The following CSGALNACT1 variants were observed in gnomAD, a reference collection of about 807,000 sequenced individuals.
CSGALNACT1 encodes beta4GalNAcT-1.
CSGALNACT1 carries 52 observed loss-of-function variants against 51.0 expected under a neutral mutation model. That is an observed-to-expected ratio of 1.02 (90% CI 0.82 to 1.29). The LOEUF is 1.29. Ranked by LOEUF, CSGALNACT1 falls within the 50% of genes most tolerant of loss-of-function variation. The pLI is 0.00. For synonymous variants in CSGALNACT1, 341 were observed against 254.4 expected, an observed-to-expected ratio of 1.34 and a Z score of -3.24; for missense variants, 935 against 679.2, an observed-to-expected ratio of 1.38 and a Z score of -4.19.
chr8:19,466,851 G>C (rs1025128827), intron 4 of CSGALNACT1, among the ~76,000 whole-genome samples: 4 of 152,162 alleles, frequency 2.6e-5, no homozygotes, highest in African/African-American at 7.2e-5. Context: ...CTCTGGACTT[G>C]TCCTCACTGG....
chr8:19,430,751 T>C (rs958640887), intron 6 of CSGALNACT1, among the ~76,000 whole-genome samples: 79 of 152,288 alleles, frequency 5.2e-4, no homozygotes, highest in African/African-American at 1.8e-3. Context: ...TGGATTTTAA[T>C]AGGGATTGTA....
chr8:19,703,362 G>A (rs369145203), intron 1 of CSGALNACT1, among the ~76,000 whole-genome samples: 19 of 152,152 alleles, frequency 1.2e-4, no homozygotes, highest in African/African-American at 4.3e-4. Context: ...AGAGTGCAGC[G>A]GCGGGATCTC....
intron 4 of CSGALNACT1, among the ~76,000 whole-genome samples, chr8:19,472,226 G>T (rs1421494343): frequency 6.6e-6 from 1 of 152,212 alleles, no homozygotes; most frequent in Non-Finnish European, 1.5e-5. Context: ...TTTCCAAACA[G>T]CTGTAGGACT....
chr8:19,532,946 C>T (rs149900344), intron 3 of CSGALNACT1, among the ~76,000 whole-genome samples: 61 of 152,310 alleles, frequency 4.0e-4, no homozygotes, highest in Middle Eastern at 3.4e-3. Flanking sequence ...TCAACACTGT[C>T]ATCTTTGTCT....
intron 6 of CSGALNACT1, among the ~76,000 whole-genome samples, chr8:19,422,276 A>C (rs926885731): frequency 6.6e-6 from 1 of 152,086 alleles, no homozygotes; most frequent in Admixed American, 6.5e-5. Context: ...TACAGCCTCA[A>C]ACTCCTGGGC....
At chr8:19,548,679 T>C (rs2087107987) in intron 3 of CSGALNACT1, among the ~76,000 whole-genome samples, 1 of 152,244 alleles carries the variant, frequency 6.6e-6, no homozygotes, top group Admixed American at 6.5e-5. Flanking sequence ...CAAATGGTAC[T>C]ATAAGACTGA....
intron 1 of CSGALNACT1, among the ~76,000 whole-genome samples, chr8:19,695,771 G>C (rs1564439466): frequency 6.6e-6 from 1 of 152,150 alleles, no homozygotes; most frequent in African/African-American, 2.4e-5. Flanking sequence ...TTGTTTAAGA[G>C]TTTGTGGAGT....
intron 3 of CSGALNACT1, among the ~76,000 whole-genome samples, chr8:19,550,511 G>C (rs1408468055): frequency 2.0e-5 from 3 of 152,008 alleles, no homozygotes; most frequent in African/African-American, 7.3e-5. Context: ...ACCAATTATA[G>C]GTTTTTGAAG....
intron 1 of CSGALNACT1, among the ~76,000 whole-genome samples, chr8:19,656,073 T>C (rs540373595): frequency 2.6e-5 from 4 of 152,280 alleles, no homozygotes; most frequent in African/African-American, 4.8e-5. Context: ...TGAGGGCAAC[T>C]TGTGCTTCAC....
intron 3 of CSGALNACT1, among the ~76,000 whole-genome samples, chr8:19,578,939 A>G (rs1015049444): frequency 6.6e-6 from 1 of 152,156 alleles, no homozygotes; most frequent in African/African-American, 2.4e-5. Flanking sequence ...TACGTTGACC[A>G]CGCTGGTCTC....
chr8:19,570,625 G>C (rs916562285), intron 3 of CSGALNACT1, among the ~76,000 whole-genome samples: 1 of 152,204 alleles, frequency 6.6e-6, no homozygotes. Flanking sequence ...GTACAGGCCG[G>C]GTTTGGCGGC....
chr8:19,574,264 T>G lies in CSGALNACT1; in HGVS notation c.-297+16896A>C, dbSNP rs571566426. ...TTGTATGAGCTGCTCTACTGGGGAC[T>G]TGGAGATTCTCAGTCCTGGAAACCA... On this transcript the variant is annotated intron_variant, in intron 3 of 9. Transcript: ENST00000454498. 2.6e-5 allele frequency among the ~76,000 whole-genome samples: 4 copies of G among 152,348 alleles called. No homozygotes were observed. The South Asian group carries it at 8.3e-4, about 32-fold the overall frequency.
intron 1 of CSGALNACT1, among the ~76,000 whole-genome samples, chr8:19,666,329 G>C (rs527486693): frequency 1.3e-5 from 2 of 152,256 alleles, no homozygotes; most frequent in South Asian, 2.1e-4. Context: ...ACTTGCTCCA[G>C]CTCCCATGAA....
intron 4 of CSGALNACT1, among the ~76,000 whole-genome samples, chr8:19,475,288 G>C (rs1194175181): frequency 6.6e-6 from 1 of 152,192 alleles, no homozygotes; most frequent in Non-Finnish European, 1.5e-5. Flanking sequence ...ACCTGAAGCT[G>C]AAGGGCCAAG....
intron 3 of CSGALNACT1, among the ~76,000 whole-genome samples, chr8:19,558,536 A>C (rs2039980452): frequency 6.6e-6 from 1 of 152,200 alleles, no homozygotes; most frequent in South Asian, 2.1e-4. Context: ...TGGATTTGGA[A>C]AGCTAATTAA....
intron 1 of CSGALNACT1, among the ~76,000 whole-genome samples, chr8:19,660,209 C>T (rs114537663): frequency 1.3e-3 from 202 of 152,262 alleles, no homozygotes; most frequent in African/African-American, 3.8e-3. Flanking sequence ...TATATCCTGC[C>T]ATGGGATCAG....
intron 1 of CSGALNACT1, among the ~76,000 whole-genome samples, chr8:19,615,219 G>C (rs981968909): frequency 2.6e-5 from 4 of 152,086 alleles, no homozygotes; most frequent in African/African-American, 9.7e-5. Context: ...AGGAGAATCA[G>C]TTGAACCCGG....
At chr8:19,727,342 G>T (rs961176840) in intron 1 of CSGALNACT1, among the ~76,000 whole-genome samples, 1 of 151,814 alleles carries the variant, frequency 6.6e-6, no homozygotes, top group African/African-American at 2.4e-5. Context: ...GTTTGGTTTG[G>T]TTTGGTTTGG....
chr8:19,508,683 G>C (rs2077838463), intron 3 of CSGALNACT1, among the ~76,000 whole-genome samples: 1 of 152,180 alleles, frequency 6.6e-6, no homozygotes, highest in African/African-American at 2.4e-5. Flanking sequence ...TGTCGTTAAA[G>C]ACAAAACAAG....
Sources: gnomAD v4.1 joint callset for allele counts (sites outside exome capture counted in the v4.1 genomes callset) on GRCh38, gnomAD v4.1.1 for gene constraint, MANE v1.5 for transcripts, NCBI Gene and HGNC (gene_info 2026-07-23, HGNC 2026-07-21) for gene names.